Variants in STX8 observed in about 807,000 individuals in gnomAD.
The protein encoded by STX8 is syntaxin-8.
STX8 carries 23 observed loss-of-function variants against 37.5 expected under a neutral mutation model. The observed-to-expected ratio is 0.61, with a 90% CI of 0.44 to 0.87. The LOEUF is 0.87. STX8 is among the 40% of genes least tolerant of loss of function. STX8 has a pLI of 0.00. For synonymous variants in STX8, 115 were observed against 99.1 expected, an observed-to-expected ratio of 1.16 and a Z score of -0.95; for missense variants, 313 against 284.7, an observed-to-expected ratio of 1.10 and a Z score of -0.71.
intron 6 of STX8, among the ~76,000 whole-genome samples, chr17:9,380,709 C>CTTTTTTTT (rs776433325): frequency 1.0e-5 from 1 of 98,536 alleles, no homozygotes; most frequent in Non-Finnish European, 1.8e-5. Context: ...GATACAGAAA[C>CTTTTTTTT]TTTTTTTTTT....
At chr17:9,476,909 A>G (rs1906130561) in intron 6 of STX8, among the ~76,000 whole-genome samples, 1 of 151,972 alleles carries the variant, frequency 6.6e-6, no homozygotes. Flanking sequence ...ACAGTGGTGC[A>G]ATCATGGCTT....
At chr17:9,358,752 A>G (rs1910963815) in intron 7 of STX8, among the ~76,000 whole-genome samples, 1 of 152,200 alleles carries the variant, frequency 6.6e-6, no homozygotes, top group South Asian at 2.1e-4. Context: ...CTTGACCAAG[A>G]TGATAAATAG....
intron 7 of STX8, among the ~76,000 whole-genome samples, chr17:9,278,169 C>T (rs1057372319): frequency 4.6e-5 from 7 of 151,492 alleles, no homozygotes; most frequent in East Asian, 3.9e-4. Context: ...ACTTTAGGGC[C>T]GGATGCAGTG....
At chr17:9,394,383 C>CA (rs1339565566) in intron 6 of STX8, among the ~76,000 whole-genome samples, 1 of 150,542 alleles carries the variant, frequency 6.6e-6, no homozygotes, top group Non-Finnish European at 1.5e-5. Context: ...TATTTAAATT[C>CA]ATTTTTTTTT....
intron 6 of STX8, among the ~76,000 whole-genome samples, chr17:9,383,528 AG>A (rs1567805936): frequency 6.6e-6 from 1 of 152,210 alleles, no homozygotes; most frequent in Non-Finnish European, 1.5e-5. Context: ...TCATACTTAC[AG>A]GTGGAACATG....
At chr17:9,271,427 T>A (rs781526532) in intron 7 of STX8, among the ~76,000 whole-genome samples, 10 of 151,088 alleles carry the variant, frequency 6.6e-5, no homozygotes, top group Non-Finnish European at 1.3e-4. Context: ...CACTCTAGCC[T>A]GGGTGACAGA....
chr17:9,278,141 A>G (rs1052860777), intron 7 of STX8, among the ~76,000 whole-genome samples: 2 of 151,718 alleles, frequency 1.3e-5, no homozygotes, highest in Non-Finnish European at 2.9e-5. Context: ...GGCAGTGGAG[A>G]CAGAGGGATT....
At chr17:9,324,135 CACA>C (rs1038936489) in intron 7 of STX8, among the ~76,000 whole-genome samples, 29 of 150,508 alleles carry the variant, frequency 1.9e-4, no homozygotes, top group Non-Finnish European at 3.5e-4. Context: ...CTCACACACA[CACA>C]CACACACACA....
At chr17:9,358,088 G>A (rs1382180831) in intron 7 of STX8, among the ~76,000 whole-genome samples, 1 of 152,188 alleles carries the variant, frequency 6.6e-6, no homozygotes, top group African/African-American at 2.4e-5. Flanking sequence ...AGGTGCAGTG[G>A]CTCACACCTG....
chr17:9,270,212 G>A (rs1455508157), intron 7 of STX8, among the ~76,000 whole-genome samples: 1 of 152,152 alleles, frequency 6.6e-6, no homozygotes, highest in Non-Finnish European at 1.5e-5. Flanking sequence ...CCTGGAATAT[G>A]AGCAGTCAGC....
chr17:9,347,925 A>G (rs1173973420), intron 7 of STX8, among the ~76,000 whole-genome samples: 1 of 152,200 alleles, frequency 6.6e-6, no homozygotes, highest in Non-Finnish European at 1.5e-5. Context: ...TTCACTTGGC[A>G]TAATGTTTCA....
Position 9,318,222 on chromosome 17 carries a change from T to G in STX8, c.643+60330A>C, listed in dbSNP as rs144381745. On this transcript the variant is annotated intron_variant, in intron 7 of 7. Coordinates refer to ENST00000306357, the MANE Select transcript of STX8 (RefSeq NM_004853.3). ...GTGCCATGTTGGTTTGCTGCACCCA[T>G]CAACTCATCATTTACATGAGATATT... Among the ~76,000 whole-genome samples, 501 of 152,244 alleles carry G rather than the reference T, an allele frequency of 3.3e-3. 4 individuals carry two copies. The highest frequency in any genetic ancestry group is 0.012 in the African/African-American group (478 of 41,546).
chr17:9,316,521 G>A (rs970912193), intron 7 of STX8, among the ~76,000 whole-genome samples: 5 of 152,170 alleles, frequency 3.3e-5, no homozygotes, highest in Non-Finnish European at 5.9e-5. Context: ...TACAGGGTTT[G>A]GACAGCTTCC....
intron 7 of STX8, among the ~76,000 whole-genome samples, chr17:9,301,504 A>G (rs1002978601): frequency 6.6e-6 from 1 of 150,850 alleles, no homozygotes; most frequent in African/African-American, 2.4e-5. Context: ...TATTTTTGAG[A>G]TGGAGTCTCA....
At chr17:9,360,786 G>T (rs1282059746) in intron 7 of STX8, among the ~76,000 whole-genome samples, 1 of 151,964 alleles carries the variant, frequency 6.6e-6, no homozygotes, top group Non-Finnish European at 1.5e-5. Context: ...AGAACATTTG[G>T]AGGCTGCTCG....
At chr17:9,526,513 T>C (rs147508549) in intron 4 of STX8, among the ~76,000 whole-genome samples, 10 of 152,336 alleles carry the variant, frequency 6.6e-5, no homozygotes, top group Non-Finnish European at 1.3e-4. Flanking sequence ...AAATAACTTT[T>C]ATTTTCAACA....
At chr17:9,404,908 T>C (rs1912753034) in intron 6 of STX8, among the ~76,000 whole-genome samples, 1 of 152,170 alleles carries the variant, frequency 6.6e-6, no homozygotes, top group Non-Finnish European at 1.5e-5. Context: ...ATTCCTCTGG[T>C]GTGGTGTCTG....
At chr17:9,559,734 TTATATA>T (rs1009971082) in intron 2 of STX8, among the ~76,000 whole-genome samples, 21 of 48,748 alleles carry the variant, frequency 4.3e-4, no homozygotes, top group South Asian at 4.0e-3. Context: ...TATTATTATT[TTATATA>T]TATATATATA....
At chr17:9,300,331 CAAAAAAAAAA>C (rs3060137) in intron 7 of STX8, among the ~76,000 whole-genome samples, 2 of 69,320 alleles carry the variant, frequency 2.9e-5, no homozygotes, top group Non-Finnish European at 5.3e-5. Context: ...AACTCCATCT[CAAAAAAAAAA>C]AAAAAAAGAA....
Sources: allele counts gnomAD v4.1 joint callset (sites outside exome capture counted in the v4.1 genomes callset), GRCh38; gene constraint gnomAD v4.1.1; transcripts MANE v1.5; gene names NCBI Gene and HGNC (gene_info 2026-07-23, HGNC 2026-07-21).